PCDH11X: variants seen among roughly 807,000 people sequenced by gnomAD.
PCDH11X encodes the protein protocadherin-11 X-linked.
In PCDH11X, 18 loss-of-function variants were observed where a neutral mutation model predicts 53.3. The observed-to-expected ratio is 0.34, with a 90% CI of 0.23 to 0.50. PCDH11X has a LOEUF of 0.50. Among genes scored for constraint, PCDH11X ranks in the 20% least tolerant of loss-of-function variants. The pLI is 0.98. For missense variants in PCDH11X, 570 were observed against 1,032.4 expected (o/e 0.55, Z 6.14); for synonymous variants, 279 against 393.3 (o/e 0.71, Z 3.44).
chrX:92,092,322 G>A (rs938232338), intron 6 of PCDH11X, among the ~76,000 whole-genome samples: 21 of 111,522 alleles, frequency 1.9e-4, no homozygotes, highest in African/African-American at 6.8e-4. Flanking sequence ...GAACACAAAC[G>A]TATATAGTAG....
At chrX:91,933,928 C>A (rs1429588644) in intron 6 of PCDH11X, among the ~76,000 whole-genome samples, 14 of 109,659 alleles carry the variant, frequency 1.3e-4, no homozygotes, top group African/African-American at 4.3e-4. Context: ...AATAGGGTTT[C>A]TAAATGGAGA....
chrX:92,130,924 C>T (rs1366980608), intron 6 of PCDH11X, among the ~76,000 whole-genome samples: 1 of 108,942 alleles, frequency 9.2e-6, no homozygotes, highest in African/African-American at 3.3e-5. Flanking sequence ...GCACAGATAC[C>T]CTACTACTAC....
intron 8 of PCDH11X, among the ~76,000 whole-genome samples, chrX:92,365,915 G>T (rs1280202896): frequency 1.8e-5 from 2 of 110,576 alleles, no homozygotes; most frequent in Non-Finnish European, 1.9e-5. Context: ...TCGCATGGAC[G>T]TTCATCAGGG....
chrX:92,535,509 CG>C (rs1277518698), intron 10 of PCDH11X, among the ~76,000 whole-genome samples: 1 of 110,330 alleles, frequency 9.1e-6, no homozygotes. Context: ...AAACAGACAC[CG>C]GGGCATATCG....
chrX:92,108,590 T>C (rs761957996), intron 6 of PCDH11X, among the ~76,000 whole-genome samples: 1 of 111,981 alleles, frequency 8.9e-6, no homozygotes, highest in African/African-American at 3.2e-5. Context: ...TAATGCAGAC[T>C]ACTCTGTTTT....
At chrX:92,105,676 G>C (rs1178583925) in intron 6 of PCDH11X, among the ~76,000 whole-genome samples, 1 of 106,001 alleles carries the variant, frequency 9.4e-6, no homozygotes, top group African/African-American at 3.5e-5. Context: ...GGGGTCGCAA[G>C]GTGCTCAGTG....
At chrX:91,795,134 C>G (rs1413378939) in intron 1 of PCDH11X, among the ~76,000 whole-genome samples, 1 of 111,855 alleles carries the variant, frequency 8.9e-6, no homozygotes, top group African/African-American at 3.2e-5. Context: ...CAGACTAATA[C>G]AGAAGGTCAT....
At chrX:92,206,402 G>C (rs1156918446) in intron 7 of PCDH11X, among the ~76,000 whole-genome samples, 3 of 111,755 alleles carry the variant, frequency 2.7e-5, no homozygotes, top group African/African-American at 9.8e-5. Context: ...CAATTTAGAG[G>C]TTAAATTATT....
At chrX:91,833,187 T>C (rs1937173760) in intron 4 of PCDH11X, among the ~76,000 whole-genome samples, 1 of 107,609 alleles carries the variant, frequency 9.3e-6, no homozygotes, top group Non-Finnish European at 1.9e-5. Flanking sequence ...AGAGCGATAA[T>C]TTTAATTCCA....
chrX:92,281,230 C>G (rs2068245501), intron 8 of PCDH11X, among the ~76,000 whole-genome samples: 1 of 111,868 alleles, frequency 8.9e-6, no homozygotes, highest in Non-Finnish European at 1.9e-5. Context: ...TTTTCTTATT[C>G]TACATTTCAG....
intron 6 of PCDH11X, among the ~76,000 whole-genome samples, chrX:92,029,149 C>T (rs2063009628): frequency 9.0e-6 from 1 of 111,728 alleles, no homozygotes; most frequent in African/African-American, 3.2e-5. Flanking sequence ...GCAAAATGCA[C>T]ATCTGCTACA....
intron 8 of PCDH11X, among the ~76,000 whole-genome samples, chrX:92,298,717 T>C (rs1047853128): frequency 6.3e-5 from 7 of 110,962 alleles, no homozygotes; most frequent in African/African-American, 2.3e-4. Context: ...TCAGTAGGAA[T>C]GTTCCCAGAC....
chrX:92,313,301 G>A (rs1188390074), intron 8 of PCDH11X, among the ~76,000 whole-genome samples: 1 of 110,095 alleles, frequency 9.1e-6, no homozygotes, highest in East Asian at 2.9e-4. Flanking sequence ...GTCTGCAGAT[G>A]ATAACACAGA....
Position 92,126,615 on chromosome X carries a change from A to G in PCDH11X, c.3034-74760A>G, listed in dbSNP as rs2064867037. Among the ~76,000 whole-genome samples the G allele has an allele frequency of 2.8e-5, 3 of 107,836 alleles. No homozygotes were observed. The Admixed American group carries it at 3.0e-4, about 11-fold the overall frequency. The allele number at this position is 107,836 out of a possible 115,157, so 93.6% of individuals were successfully genotyped here. A position where few individuals can be genotyped will look rare whatever the true frequency, so the allele number is the denominator to read the frequency against. ...CAAGAGCAAAACTCTGTCTCAAAAA[A>G]TAAAAAATAAAAAATAAAAAAATTA... On this transcript the variant is annotated intron_variant, in intron 6 of 10. Coordinates refer to ENST00000682573, the MANE Select transcript of PCDH11X (RefSeq NM_032968.5).
chrX:92,436,737 G>A (rs767129837), intron 9 of PCDH11X, among the ~76,000 whole-genome samples: 1 of 110,833 alleles, frequency 9.0e-6, no homozygotes, highest in Non-Finnish European at 1.9e-5. Flanking sequence ...AATACAACAT[G>A]TTCTCACGTA....
At chrX:91,830,471 A>T (rs1402285977) in intron 4 of PCDH11X, among the ~76,000 whole-genome samples, 1 of 111,092 alleles carries the variant, frequency 9.0e-6, no homozygotes, top group Non-Finnish European at 1.9e-5. Context: ...AAAATTGGAC[A>T]GCCAATGCCC....
chrX:92,307,791 A>G (rs1240833921), intron 8 of PCDH11X, among the ~76,000 whole-genome samples: 1 of 102,375 alleles, frequency 9.8e-6, no homozygotes, highest in African/African-American at 3.5e-5. Flanking sequence ...TTAGAACTAA[A>G]AATCAGTGTA....
chrX:92,489,390 C>T (rs2750817), intron 10 of PCDH11X, among the ~76,000 whole-genome samples: 2 of 110,976 alleles, frequency 1.8e-5, no homozygotes, highest in African/African-American at 6.6e-5. Context: ...TTGGGGAAGA[C>T]AATGGCTACT....
intron 4 of PCDH11X, among the ~76,000 whole-genome samples, chrX:91,824,672 G>C (rs1380517523): frequency 9.6e-6 from 1 of 104,178 alleles, no homozygotes; most frequent in African/African-American, 4.1e-5. Context: ...TCTTCTCTCA[G>C]CTCGTCAAAG....
Sources: allele counts gnomAD v4.1 joint callset (sites outside exome capture counted in the v4.1 genomes callset), GRCh38; gene constraint gnomAD v4.1.1; transcripts MANE v1.5; gene names NCBI Gene and HGNC (gene_info 2026-07-23, HGNC 2026-07-21).